ASCC1: variants seen among roughly 807,000 people sequenced by gnomAD.
The protein encoded by ASCC1 is activating signal cointegrator 1 complex subunit 1.
In ASCC1, 35 loss-of-function variants were observed where a neutral mutation model predicts 46.6. That is an observed-to-expected ratio of 0.75 (90% CI 0.57 to 0.99). The LOEUF (loss-of-function observed/expected upper bound fraction) is 0.99. ASCC1 is among the 50% of genes least tolerant of loss of function. The pLI, the probability that ASCC1 is intolerant of heterozygous loss-of-function variation, is 0.00. For synonymous variants in ASCC1, 143 were observed against 146.6 expected, an observed-to-expected ratio of 0.98 and a Z score of 0.18; for missense variants, 376 against 428.7, an observed-to-expected ratio of 0.88 and a Z score of 1.09.
At chr10:72,162,080 A>AGTAATTT (rs1270335430) in intron 5 of ASCC1, among the ~76,000 whole-genome samples, 1 of 152,232 alleles carries the variant, frequency 6.6e-6, no homozygotes, top group Non-Finnish European at 1.5e-5. Flanking sequence ...AATATTTGCA[A>AGTAATTT]GTAATTTACC....
chr10:72,208,627 G>A (rs892832023), intron 3 of ASCC1, among the ~76,000 whole-genome samples: 3 of 152,072 alleles, frequency 2.0e-5, no homozygotes, highest in Admixed American at 2.0e-4. Context: ...AGGTGTAGTA[G>A]TGCAGGCCTG....
intron 3 of ASCC1, among the ~76,000 whole-genome samples, chr10:72,208,674 C>T (rs1422609388): frequency 6.6e-6 from 1 of 151,994 alleles, no homozygotes; most frequent in African/African-American, 2.4e-5. Flanking sequence ...GCAAGAAAAT[C>T]GTTTGAACCA....
At chr10:72,101,403 G>C (rs1440970461) in intron 9 of ASCC1, among the ~76,000 whole-genome samples, 2 of 152,156 alleles carry the variant, frequency 1.3e-5, no homozygotes, top group African/African-American at 4.8e-5. Flanking sequence ...GGATGCTGAG[G>C]GCTGCGGACC....
intron 5 of ASCC1, chr10:72,190,012 G>A (rs1854168642): frequency 1.3e-6 from 1 of 758,274 alleles, no homozygotes; most frequent in African/African-American, 1.7e-5. Flanking sequence ...TTCTTCTGAG[G>A]GTCCACTGCT....
intron 5 of ASCC1, among the ~76,000 whole-genome samples, chr10:72,165,033 T>G (rs1004629352): frequency 2.6e-5 from 4 of 152,204 alleles, no homozygotes; most frequent in Non-Finnish European, 4.4e-5. Flanking sequence ...TATCGGTCCA[T>G]GGGTCCCTTT....
intron 7 of ASCC1, 121 bp from the exon 8 acceptor site, chr10:72,133,302 C>G (rs188016296): frequency 2.0e-6 from 2 of 999,458 alleles, no homozygotes; most frequent in Admixed American, 3.8e-5. Context: ...AGCCCTGCAT[C>G]ACAGGAGGAA....
Position 72,170,304 on chromosome 10 carries a change from T to C in ASCC1, c.490-8630A>G, listed in dbSNP as rs1421443950. ...CAACACTGACTGGATGGTGTCAAAA[T>C]TAACATCACCAATGAGGGACACTGT... On this transcript the variant is annotated intron_variant, in intron 5 of 9. Coordinates refer to ENST00000672957, the MANE Select transcript of ASCC1 (RefSeq NM_001198800.3). 2.0e-5 allele frequency among the ~76,000 whole-genome samples: 3 copies of C among 151,876 alleles called. No individual in the cohort carries two copies. The East Asian group carries it at 5.8e-4, about 29-fold the overall frequency.
Position 72,139,167 on chromosome 10 carries a change from G to T in ASCC1, c.747-5986C>A, listed in dbSNP as rs1215699712. Reference sequence around the variant, plus strand: ...CTCACTCTGTTGCCCAGTCTGGAGTGCAGTGGCACAATCTCAGCTCATTGC... The same window carrying T: ...CTCACTCTGTTGCCCAGTCTGGAGTTCAGTGGCACAATCTCAGCTCATTGC... On this transcript the variant is annotated intron_variant, in intron 7 of 9. Coordinates refer to ENST00000672957, the MANE Select transcript of ASCC1 (RefSeq NM_001198800.3). Among the ~76,000 whole-genome samples, 3 of 142,202 alleles carry T rather than the reference G, an allele frequency of 2.1e-5. No individual in the cohort carries two copies. In the Admixed American group the frequency reaches 2.2e-4, roughly 10 times the overall value. 93.3% of individuals were successfully genotyped at this position (142,202 alleles called of 152,430 possible).
chr10:72,133,381 T>C (rs1845826352), intron 7 of ASCC1, 200 bp from the exon 8 acceptor site: 3 of 587,694 alleles, frequency 5.1e-6, no homozygotes, highest in Admixed American at 2.7e-5. Context: ...TAACAGATAG[T>C]AGAAATAAAT....
At chr10:72,167,844 C>T (rs1011330193) in intron 5 of ASCC1, among the ~76,000 whole-genome samples, 5 of 151,834 alleles carry the variant, frequency 3.3e-5, no homozygotes, top group Non-Finnish European at 5.9e-5. Flanking sequence ...CATTATGTTG[C>T]CCAGGCTGGT....
intron 7 of ASCC1, among the ~76,000 whole-genome samples, chr10:72,134,824 A>T (rs1381146630): frequency 6.6e-6 from 1 of 152,326 alleles, no homozygotes; most frequent in East Asian, 1.9e-4. Context: ...TACAAGGGGG[A>T]AAAAAGGAAT....
At chr10:72,106,316 A>G (rs1344813310) in intron 9 of ASCC1, among the ~76,000 whole-genome samples, 2 of 152,234 alleles carry the variant, frequency 1.3e-5, no homozygotes, top group African/African-American at 4.8e-5. Flanking sequence ...AAGTAAGTAC[A>G]GGGGGTTCAA....
chr10:72,117,426 T>A (rs1326502757), intron 9 of ASCC1, among the ~76,000 whole-genome samples: 1 of 152,222 alleles, frequency 6.6e-6, no homozygotes, highest in Admixed American at 6.5e-5. Flanking sequence ...GATCAAGACC[T>A]TAGGGTCTAT....
In ASCC1 at chr10:72,098,487, A is replaced by G. The variant is rs1399468876; in HGVS notation, c.958-1037T>C. Among the ~76,000 whole-genome samples, 3 of 152,198 alleles carry G rather than the reference A, an allele frequency of 2.0e-5. No homozygotes were observed. The South Asian group carries it at 6.2e-4, about 32-fold the overall frequency. ...CAATCCTCCCATCTCAGCCTCCCAA[A>G]GCACGGAGATTACAGGCATTAGCCA... is the stretch of plus-strand genomic sequence containing the variant. On this transcript the variant is annotated intron_variant, in intron 9 of 9. Coordinates refer to ENST00000672957, the MANE Select transcript of ASCC1 (RefSeq NM_001198800.3).
intron 7 of ASCC1, among the ~76,000 whole-genome samples, chr10:72,140,697 T>C (rs1182258868): frequency 6.6e-6 from 1 of 152,154 alleles, no homozygotes; most frequent in Admixed American, 6.5e-5. Context: ...AACTGTTTAA[T>C]TTTCACTTCA....
intron 7 of ASCC1, among the ~76,000 whole-genome samples, chr10:72,143,995 C>CT (rs1447654160): frequency 1.3e-5 from 2 of 150,424 alleles, no homozygotes; most frequent in African/African-American, 4.9e-5. Flanking sequence ...TTTTTCTTTT[C>CT]TTTCTTTCTT....
chr10:72,198,652 C>T (rs1317841053), intron 4 of ASCC1: 2 of 456,040 alleles, frequency 4.4e-6, no homozygotes, highest in East Asian at 1.4e-4. Flanking sequence ...AGATCATTTC[C>T]TTCTCTGATT....
Position 72,178,688 on chromosome 10 carries a change from T to C in ASCC1, c.490-17014A>G, listed in dbSNP as rs1379503313. On this transcript the variant is annotated intron_variant, in intron 5 of 9. Coordinates refer to ENST00000672957, the MANE Select transcript of ASCC1 (RefSeq NM_001198800.3). ...GCCCACTGGGTCTTCCGACCTGCAGTACTATGAAACTACCAGAGAACTGTG... is the reference window on the plus strand; with the variant it reads ...GCCCACTGGGTCTTCCGACCTGCAGCACTATGAAACTACCAGAGAACTGTG... Among the ~76,000 whole-genome samples, 3 of 152,172 alleles carry C rather than the reference T, an allele frequency of 2.0e-5. No homozygotes were observed. In the East Asian group the frequency reaches 5.8e-4, roughly 29 times the overall value.
At chr10:72,184,955 C>CA (rs1853240987) in intron 5 of ASCC1, among the ~76,000 whole-genome samples, 1 of 151,858 alleles carries the variant, frequency 6.6e-6, no homozygotes. Context: ...CAAAAATAGA[C>CA]AAAATATTTG....
Sources: gnomAD v4.1 joint callset for allele counts (sites outside exome capture counted in the v4.1 genomes callset) on GRCh38, gnomAD v4.1.1 for gene constraint, MANE v1.5 for transcripts, NCBI Gene and HGNC (gene_info 2026-07-23, HGNC 2026-07-21) for gene names.